The following GABRB1 variants were observed in gnomAD, a reference collection of about 807,000 sequenced individuals.
GABRB1 encodes gamma-aminobutyric acid receptor subunit beta-1.
A neutral mutation model predicts 51.6 loss-of-function variants in GABRB1; 17 were observed. That is an observed-to-expected ratio of 0.33 (90% CI 0.23 to 0.49). GABRB1 has a LOEUF of 0.49. Ranked by LOEUF, GABRB1 falls within the 20% of genes least tolerant of loss-of-function variation. The pLI, the probability that GABRB1 is intolerant of heterozygous loss-of-function variation, is 0.99. For missense variants in GABRB1, 410 were observed against 600.6 expected (o/e 0.68, Z 3.32); for synonymous variants, 247 against 218.9 (o/e 1.13, Z -1.14).
At chr4:47,361,444 G>C (rs988644325) in intron 5 of GABRB1, among the ~76,000 whole-genome samples, 7 of 152,132 alleles carry the variant, frequency 4.6e-5, no homozygotes, top group South Asian at 4.1e-4. Flanking sequence ...GTCAGAGTGA[G>C]GGGAGCCTGC....
At chr4:47,159,640 A>C in intron 3 of GABRB1, among the ~76,000 whole-genome samples, 1 of 152,084 alleles carries the variant, frequency 6.6e-6, no homozygotes, top group East Asian at 1.9e-4. Flanking sequence ...AAATTATTGC[A>C]AGGTGGTTTC....
chr4:47,410,188 A>T (rs1728712901), intron 8 of GABRB1, among the ~76,000 whole-genome samples: 1 of 152,224 alleles, frequency 6.6e-6, no homozygotes, highest in Non-Finnish European at 1.5e-5. Flanking sequence ...GTTTTTATCC[A>T]TGGAAAGTTA....
intron 3 of GABRB1, among the ~76,000 whole-genome samples, chr4:47,076,959 G>C (rs532448200): frequency 6.6e-6 from 1 of 152,270 alleles, no homozygotes; most frequent in Non-Finnish European, 1.5e-5. Context: ...CAAATCATGG[G>C]TTAACAACCT....
intron 3 of GABRB1, among the ~76,000 whole-genome samples, chr4:47,051,104 A>G (rs1246973969): frequency 6.6e-6 from 1 of 152,144 alleles, no homozygotes; most frequent in Admixed American, 6.6e-5. Flanking sequence ...TGTCAGTAGG[A>G]AAATAAATCT....
At chr4:47,149,921 G>A (rs1717350290) in intron 3 of GABRB1, among the ~76,000 whole-genome samples, 1 of 151,906 alleles carries the variant, frequency 6.6e-6, no homozygotes, top group South Asian at 2.1e-4. Context: ...TAGAACAGAT[G>A]CTCAATGAGT....
chr4:47,079,171 A>G (rs989214956), intron 3 of GABRB1, among the ~76,000 whole-genome samples: 2 of 151,928 alleles, frequency 1.3e-5, no homozygotes, highest in Non-Finnish European at 2.9e-5. Flanking sequence ...TGATTGGAAT[A>G]GTTTCAGAAG....
At chr4:47,271,064 T>G (rs895027167) in intron 4 of GABRB1, among the ~76,000 whole-genome samples, 29 of 152,116 alleles carry the variant, frequency 1.9e-4, no homozygotes, top group African/African-American at 6.5e-4. Flanking sequence ...TAAAATAAAG[T>G]TATCTCTGAT....
intron 4 of GABRB1, among the ~76,000 whole-genome samples, chr4:47,286,500 T>G (rs575624119): frequency 1.7e-4 from 26 of 152,294 alleles, no homozygotes; most frequent in Non-Finnish European, 2.6e-4. Flanking sequence ...TGCCCTTCCT[T>G]GACAAGCCCC....
In GABRB1 at chr4:47,248,597, A is replaced by T. The variant is rs552702774; in HGVS notation, c.462-71530A>T. 8.0e-4 allele frequency among the ~76,000 whole-genome samples: 122 copies of T among 152,170 alleles called. 1 individual carries two copies. The highest frequency in any genetic ancestry group is 1.6e-3 in the Non-Finnish European group (109 of 67,932). ...AAGGATTGGTACCAATTCTTCTTTG[A>T]ATGTCTAGTAGAATTCTGCTGTGAA... On this transcript the variant is annotated intron_variant, in intron 4 of 8. Transcript: ENST00000295454.
chr4:47,083,641 C>T (rs750829942), intron 3 of GABRB1, among the ~76,000 whole-genome samples: 17 of 152,110 alleles, frequency 1.1e-4, no homozygotes, highest in Admixed American at 3.9e-4. Context: ...TGTCACATTG[C>T]TAAGCATCCA....
intron 1 of GABRB1, among the ~76,000 whole-genome samples, chr4:47,020,023 C>A (rs1207933871): frequency 6.6e-6 from 1 of 151,770 alleles, no homozygotes; most frequent in Non-Finnish European, 1.5e-5. Flanking sequence ...TGGACTCAAG[C>A]AATCTACCCG....
chr4:47,131,164 A>C (rs62305315), intron 3 of GABRB1, among the ~76,000 whole-genome samples: 1 of 151,580 alleles, frequency 6.6e-6, no homozygotes, highest in East Asian at 1.9e-4. Context: ...TCTTCTGGAG[A>C]ATTTTTTTTT....
intron 1 of GABRB1, among the ~76,000 whole-genome samples, chr4:47,003,462 A>G (rs1326606550): frequency 6.6e-6 from 1 of 152,230 alleles, no homozygotes; most frequent in Non-Finnish European, 1.5e-5. Flanking sequence ...GAGGAAGTTC[A>G]TTGTTATTTA....
At chr4:47,299,335 A>T (rs986695998) in intron 4 of GABRB1, among the ~76,000 whole-genome samples, 1 of 152,142 alleles carries the variant, frequency 6.6e-6, no homozygotes, top group Non-Finnish European at 1.5e-5. Context: ...TTCGCAACCT[A>T]CTCATCTGAC....
At chr4:47,259,370 A>G (rs1722335833) in intron 4 of GABRB1, among the ~76,000 whole-genome samples, 2 of 152,156 alleles carry the variant, frequency 1.3e-5, no homozygotes, top group Non-Finnish European at 2.9e-5. Context: ...AGCAAAACCA[A>G]ACCTTGTCTC....
At chr4:47,200,998 T>C (rs1033654095) in intron 4 of GABRB1, among the ~76,000 whole-genome samples, 2 of 152,144 alleles carry the variant, frequency 1.3e-5, no homozygotes, top group Non-Finnish European at 2.9e-5. Context: ...CAAACATAGT[T>C]CACTAATATT....
At chr4:47,093,880 A>G (rs913486512) in intron 3 of GABRB1, among the ~76,000 whole-genome samples, 1 of 152,228 alleles carries the variant, frequency 6.6e-6, no homozygotes, top group Non-Finnish European at 1.5e-5. Context: ...AGATTTTAAT[A>G]TAAAATTTTC....
At chr4:47,398,268 G>C (rs1396483004) in intron 5 of GABRB1, among the ~76,000 whole-genome samples, 1 of 152,008 alleles carries the variant, frequency 6.6e-6, no homozygotes, top group Non-Finnish European at 1.5e-5. Context: ...GTTTGTAATA[G>C]CTCTTCAGTT....
chr4:47,002,160 A>G (rs1366353043), intron 1 of GABRB1, among the ~76,000 whole-genome samples: 1 of 152,242 alleles, frequency 6.6e-6, no homozygotes, highest in East Asian at 1.9e-4. Context: ...ACAACAAAAT[A>G]CTAGAAAGAA....
Sources: gnomAD v4.1 joint callset for allele counts (sites outside exome capture counted in the v4.1 genomes callset) on GRCh38, gnomAD v4.1.1 for gene constraint, MANE v1.5 for transcripts, NCBI Gene and HGNC (gene_info 2026-07-23, HGNC 2026-07-21) for gene names.